Variants in LHX4 observed in about 807,000 individuals in gnomAD.
The protein encoded by LHX4 is LIM homeobox 4.
A neutral mutation model predicts 39.2 loss-of-function variants in LHX4; 16 were observed. The ratio of observed to expected loss-of-function variants is 0.41; its 90% CI spans 0.28 to 0.62. LHX4 has a LOEUF of 0.62. LHX4 is among the 20% of genes least tolerant of loss of function. The pLI is 0.33. For synonymous variants in LHX4, 206 were observed against 198.1 expected (o/e 1.04, Z -0.33); for missense variants, 439 against 511.9 (o/e 0.86, Z 1.37).
rs1664253429 is a variant in LHX4 at position 180,234,190 on chromosome 1, TATATATATATATATATATA to T, written c.76+3586_76+3604del. Among the ~76,000 whole-genome samples, 1 of 53,848 alleles carries T rather than the reference TATATATATATATATATATA, an allele frequency of 1.9e-5. No individual in the cohort carries two copies. The highest frequency in any genetic ancestry group is 8.1e-4 in the South Asian group (1 of 1,234). The allele number at this position is 53,848 out of a possible 152,430, so 35.3% of individuals were successfully genotyped here. A position where few individuals can be genotyped will look rare whatever the true frequency, so the allele number is the denominator to read the frequency against. On this transcript the variant is annotated intron_variant, in intron 1 of 5. Transcript: ENST00000263726. The surrounding 1 kb of genome is among the most constrained non-coding windows in gnomAD (Gnocchi z 4.8). ...CAAATTATATATATATATATATATA[TATATATATATATATATATA>T]TATATATATATAATAGATTGAGATT... is the stretch of plus-strand genomic sequence containing the variant.
At chr1:180,261,161 T>A (rs559789181) in intron 2 of LHX4, among the ~76,000 whole-genome samples, 6 of 151,242 alleles carry the variant, frequency 4.0e-5, no homozygotes, top group Non-Finnish European at 8.8e-5. Context: ...GGGGCCAAGA[T>A]GGGAGGAGGC....
At chr1:180,256,849 G>A (rs190673552) in intron 2 of LHX4, among the ~76,000 whole-genome samples, 44 of 152,326 alleles carry the variant, frequency 2.9e-4, no homozygotes, top group South Asian at 1.5e-3. Context: ...GAGGTGCTGC[G>A]GGAAGTAAGG....
chr1:180,256,237 C>T (rs1647849742), intron 2 of LHX4, among the ~76,000 whole-genome samples: 2 of 152,250 alleles, frequency 1.3e-5, no homozygotes, highest in African/African-American at 4.8e-5. Context: ...CTCCGCCCAT[C>T]TGGTCACGTT....
chr1:180,248,841 C>T, intron 2 of LHX4: 1 of 319,868 alleles, frequency 3.1e-6, no homozygotes, highest in Non-Finnish European at 6.2e-6. Context: ...AACATTCCCA[C>T]AACTTTCAGA....
intron 2 of LHX4, among the ~76,000 whole-genome samples, chr1:180,262,715 A>G (rs1648157203): frequency 6.6e-6 from 1 of 151,032 alleles, no homozygotes; most frequent in Non-Finnish European, 1.5e-5. Flanking sequence ...AAGAGCTGCC[A>G]TTATGGAGAG....
At position 180,232,636 on chromosome 1, in the gene LHX4, AG is replaced by A. The variant is rs1664207930; in HGVS notation, c.76+2035del. Reference sequence around the variant, plus strand: ...TTGGAGGAGGCATCGGCCAAAATTGAGGGGCCCACTCCCTGAAGACTTCTGG... The same window carrying A: ...TTGGAGGAGGCATCGGCCAAAATTGAGGGCCCACTCCCTGAAGACTTCTGG... On this transcript the variant is annotated intron_variant, in intron 1 of 5. Transcript: ENST00000263726. The surrounding 1 kb of genome is among the most constrained non-coding windows in gnomAD (Gnocchi z 5.4). Among the ~76,000 whole-genome samples, 1 of 152,162 alleles carries A rather than the reference AG, an allele frequency of 6.6e-6. No individual in the cohort carries two copies. The highest frequency in any genetic ancestry group is 2.4e-5 in the African/African-American group (1 of 41,446).
rs1664203110 is a variant in LHX4 at position 180,232,354 on chromosome 1, C to T, written c.76+1749C>T. On this transcript the variant is annotated intron_variant, in intron 1 of 5. Coordinates refer to ENST00000263726, the MANE Select transcript of LHX4 (RefSeq NM_033343.4). This position sits in a 1 kb window ranked among gnomAD's most constrained non-coding sequence, Gnocchi z 5.4. ...ACGGCCTTTCTTGTGATGAGTGACA[C>T]TCTGATTGTCTCACTTTTTGCCTTC... 6.6e-6 allele frequency among the ~76,000 whole-genome samples: 1 copy of T among 152,212 alleles called. No homozygotes were observed. The highest frequency in any genetic ancestry group is 2.4e-5 in the African/African-American group (1 of 41,454).
rs1648959735 is a variant in LHX4, at chr1:180,275,291, G to A, written c.*712G>A. The A allele has an allele frequency of 6.6e-6, 1 of 152,208 alleles. No homozygotes were observed. Among genetic ancestry groups the A allele is most frequent in the South Asian group, 2.1e-4 (1 of 4,832 alleles). The allele number at this position is 152,208 out of a possible 1,614,324, so 9.4% of individuals were successfully genotyped here. Reference sequence around the variant, plus strand: ...CATTGCAGGTGACTGAGGCTGAGCTGAGTAGCCCTGGACCACCGCTGCAGA... The same window carrying A: ...CATTGCAGGTGACTGAGGCTGAGCTAAGTAGCCCTGGACCACCGCTGCAGA... On this transcript the variant is annotated 3_prime_UTR_variant, in exon 6 of 6. Transcript: ENST00000263726.
At chr1:180,243,450 T>C (rs755309618) in intron 1 of LHX4, among the ~76,000 whole-genome samples, 19 of 152,178 alleles carry the variant, frequency 1.2e-4, no homozygotes, top group African/African-American at 4.6e-4. Context: ...TGTTTAGCCT[T>C]TCTAAACTGT....
At chr1:180,263,628 TG>T (rs1176329895) in intron 2 of LHX4, among the ~76,000 whole-genome samples, 2 of 152,240 alleles carry the variant, frequency 1.3e-5, no homozygotes, top group African/African-American at 4.8e-5. Context: ...TAAAAAACGC[TG>T]GTGGGGAAGT....
At chr1:180,231,171 A>G (rs896572237) in intron 1 of LHX4, among the ~76,000 whole-genome samples, 4 of 151,532 alleles carry the variant, frequency 2.6e-5, no homozygotes, top group Non-Finnish European at 4.4e-5. Context: ...GCGCCGCGGG[A>G]AACTGACTGC....
chr1:180,270,977 G>A (rs535760421), intron 3 of LHX4: 146 of 308,456 alleles, frequency 4.7e-4, no homozygotes, highest in Non-Finnish European at 8.0e-4. Context: ...CATCTGGGGC[G>A]ACTTTGAACA....
rs190026693 is a variant in LHX4, at chr1:180,240,602, C to T, written c.77-7683C>T. On this transcript the variant is annotated intron_variant, in intron 1 of 5. Transcript: ENST00000263726. ...TTAAAATCGATCAAACAAACACAAA[C>T]GCTCTGTGAAATGTTTCATGGTGGC... Among the ~76,000 whole-genome samples, 4 of 152,200 alleles carry T rather than the reference C, an allele frequency of 2.6e-5. No homozygotes were observed. In the East Asian group the frequency reaches 5.8e-4, roughly 22 times the overall value.
At chr1:180,264,125 C>T (rs1191296145) in intron 2 of LHX4, among the ~76,000 whole-genome samples, 7 of 152,060 alleles carry the variant, frequency 4.6e-5, no homozygotes, top group South Asian at 4.2e-4. Flanking sequence ...CCACTACACC[C>T]GGCTAATTTT....
At position 180,277,562 on chromosome 1, in the gene LHX4, CTGTT is replaced by C. The variant is rs1023567778; in HGVS notation, c.*2988_*2991del. The stretch of plus-strand genomic sequence containing the variant: ...AAACTGAGGGGCTATGGAGGAATCT[CTGTT>C]TGTTGGAACGTAATGAAACCATGGA... On this transcript the variant is annotated 3_prime_UTR_variant, in exon 6 of 6. Coordinates refer to ENST00000263726, the MANE Select transcript of LHX4 (RefSeq NM_033343.4). The C allele has an allele frequency of 2.6e-5, 4 of 152,152 alleles. No homozygotes were observed. Among genetic ancestry groups the C allele is most frequent in the Non-Finnish European group, 5.9e-5 (4 of 68,040 alleles). 9.4% of individuals were successfully genotyped at this position (152,152 alleles called of 1,614,324 possible). A position where few individuals can be genotyped will look rare whatever the true frequency, so the allele number is the denominator to read the frequency against.
At chr1:180,259,076 G>C (rs1647991348) in intron 2 of LHX4, among the ~76,000 whole-genome samples, 1 of 152,104 alleles carries the variant, frequency 6.6e-6, no homozygotes, top group Non-Finnish European at 1.5e-5. Flanking sequence ...GTCTGGGCTG[G>C]AGGTGAGATC....
upstream of LHX4, chr1:180,230,229 A>T: frequency 2.4e-6 from 1 of 418,822 alleles, no homozygotes; most frequent in Non-Finnish European, 4.3e-6. This position sits in a 1 kb window ranked among gnomAD's most constrained non-coding sequence, Gnocchi z 5.8. Flanking sequence ...GGGGAGGGGG[A>T]AGGAGCGGGC....
rs1173882912 is a variant in LHX4, at chr1:180,234,919, G to T, written c.76+4314G>T. ...CTCCTCCGCCCCGCGGGCAGATGCC[G>T]GCCTGGGTGGCCCGGGGAACAGACG... On this transcript the variant is annotated intron_variant, in intron 1 of 5. Coordinates refer to ENST00000263726, the MANE Select transcript of LHX4 (RefSeq NM_033343.4). This position sits in a 1 kb window ranked among gnomAD's most constrained non-coding sequence, Gnocchi z 4.8. 6.6e-6 allele frequency among the ~76,000 whole-genome samples: 1 copy of T among 152,202 alleles called. No homozygotes were observed. The highest frequency in any genetic ancestry group is 6.5e-5 in the Admixed American group (1 of 15,292).
chr1:180,278,458 T>C lies in LHX4; in HGVS notation c.*3879T>C, dbSNP rs527714129. 6 of 152,276 alleles carry C rather than the reference T, an allele frequency of 3.9e-5. No homozygotes were observed. Among genetic ancestry groups the C allele is most frequent in the Admixed American group, 3.9e-4 (6 of 15,292 alleles). The allele number at this position is 152,276 out of a possible 1,614,324, so 9.4% of individuals were successfully genotyped here. A position where few individuals can be genotyped will look rare whatever the true frequency, so the allele number is the denominator to read the frequency against. ...CAGCAAAGCCATCCCATCCACACTC[T>C]GCTTGGTAGGACCACACTAAAAGCA... On this transcript the variant is annotated 3_prime_UTR_variant, in exon 6 of 6. Transcript: ENST00000263726.
Sources: allele counts gnomAD v4.1 joint callset (sites outside exome capture counted in the v4.1 genomes callset), GRCh38; gene constraint gnomAD v4.1.1; non-coding constraint Gnocchi (gnomAD v3.1); transcripts MANE v1.5; gene names NCBI Gene and HGNC (gene_info 2026-07-23, HGNC 2026-07-21).